Variants in SLC16A10 observed in about 807,000 individuals in gnomAD.
SLC16A10 encodes monocarboxylate transporter 10.
In SLC16A10, 27 loss-of-function variants were observed where a neutral mutation model predicts 40.0. That is an observed-to-expected ratio of 0.67 (90% CI 0.50 to 0.93). The LOEUF (loss-of-function observed/expected upper bound fraction) is 0.93. SLC16A10 is among the 40% of genes least tolerant of loss of function. The probability of loss-of-function intolerance (pLI) is 0.00; values close to 1 mark genes in which losing one functional copy is unlikely to be tolerated. For missense variants in SLC16A10, 529 were observed against 658.2 expected (o/e 0.80, Z 2.15); for synonymous variants, 213 against 249.8 (o/e 0.85, Z 1.39).
At chr6:111,195,104 T>C (rs1773058065) in intron 3 of SLC16A10, among the ~76,000 whole-genome samples, 1 of 152,158 alleles carries the variant, frequency 6.6e-6, no homozygotes, top group African/African-American at 2.4e-5. Context: ...CCAGGCCTTG[T>C]CTTTGATTTT....
rs368896149 is a variant in SLC16A10 at position 111,215,522 on chromosome 6, T to C, written c.1087-3292T>C. On this transcript the variant is annotated intron_variant, in intron 4 of 5. Coordinates refer to ENST00000368851, the MANE Select transcript of SLC16A10 (RefSeq NM_018593.5). Reference sequence around the variant, plus strand: ...TCCTGAAAACCTTGTATAATTACAGTGGCATGGTTGGGAATGTTTGGTCTA... The same window carrying C: ...TCCTGAAAACCTTGTATAATTACAGCGGCATGGTTGGGAATGTTTGGTCTA... 3.3e-5 allele frequency among the ~76,000 whole-genome samples: 5 copies of C among 152,022 alleles called. No homozygotes were observed. In the East Asian group the frequency reaches 9.6e-4, roughly 29 times the overall value.
chr6:111,162,697 A>G (rs755426561), intron 1 of SLC16A10, among the ~76,000 whole-genome samples: 1 of 152,218 alleles, frequency 6.6e-6, no homozygotes, highest in African/African-American at 2.4e-5. Flanking sequence ...CCAGGCAAAA[A>G]GAAATAAATG....
intron 1 of SLC16A10, among the ~76,000 whole-genome samples, chr6:111,114,410 A>G (rs1189486037): frequency 6.6e-6 from 1 of 152,214 alleles, no homozygotes; most frequent in Non-Finnish European, 1.5e-5. Flanking sequence ...ACTGATGCTA[A>G]GATGCACTAT....
intron 3 of SLC16A10, among the ~76,000 whole-genome samples, chr6:111,203,706 C>T (rs905980191): frequency 1.1e-5 from 1 of 91,818 alleles, no homozygotes; most frequent in Admixed American, 1.3e-4. Flanking sequence ...TGGGCGACAG[C>T]GAAACCCCAT....
Position 111,225,118 on chromosome 6 carries a change from A to G in SLC16A10, c.*2883A>G, listed in dbSNP as rs1770967510. 6.6e-6 allele frequency: 1 copy of G among 152,234 alleles called. No individual in the cohort carries two copies. The highest frequency in any genetic ancestry group is 2.4e-5 in the African/African-American group (1 of 41,454). 9.4% of individuals were successfully genotyped at this position (152,234 alleles called of 1,614,324 possible). ...CAATGGATATTGCTGGGATCCATCC[A>G]TTTAAGCAGTAATATACCACCCAGA... On this transcript the variant is annotated 3_prime_UTR_variant, in exon 6 of 6. Transcript: ENST00000368851.
At chr6:111,130,752 C>T (rs1264171313) in intron 1 of SLC16A10, among the ~76,000 whole-genome samples, 1 of 152,166 alleles carries the variant, frequency 6.6e-6, no homozygotes, top group Admixed American at 6.5e-5. Flanking sequence ...ATATAATCTA[C>T]TAGGATAATA....
intron 1 of SLC16A10, among the ~76,000 whole-genome samples, chr6:111,166,821 G>A (rs1455355164): frequency 1.3e-5 from 2 of 152,214 alleles, no homozygotes; most frequent in Non-Finnish European, 2.9e-5. Flanking sequence ...TCTCAGAATG[G>A]AGTAGGAAAC....
chr6:111,089,908 G>GGTTTTTT, intron 1 of SLC16A10, among the ~76,000 whole-genome samples: 1 of 52,334 alleles, frequency 1.9e-5, no homozygotes, highest in East Asian at 5.7e-4. Context: ...CTGTGGGTGG[G>GGTTTTTT]TTTTTTTTTT....
At position 111,222,514 on chromosome 6, in the gene SLC16A10, A is replaced by ACCTC. The variant is rs1770919244; in HGVS notation, c.*279_*280insCCTC. The ACCTC allele has an allele frequency of 1.5e-5, 5 of 329,598 alleles. No individual in the cohort carries two copies. 20.4% of individuals were successfully genotyped at this position (329,598 alleles called of 1,614,324 possible). On this transcript the variant is annotated 3_prime_UTR_variant, in exon 6 of 6. Coordinates refer to ENST00000368851, the MANE Select transcript of SLC16A10 (RefSeq NM_018593.5). ...CTATCTCAGTAAAAAGCAGCTTTGG[A>ACCTC]AACTGTGAATGATCTTTAGCTTGTA...
chr6:111,129,423 A>G (rs1385146167), intron 1 of SLC16A10, among the ~76,000 whole-genome samples: 1 of 152,262 alleles, frequency 6.6e-6, no homozygotes, highest in African/African-American at 2.4e-5. Flanking sequence ...TGAATAGGCA[A>G]TGCATTATAA....
chr6:111,169,357 G>T (rs2114537872), intron 1 of SLC16A10, among the ~76,000 whole-genome samples: 1 of 152,314 alleles, frequency 6.6e-6, no homozygotes, highest in East Asian at 1.9e-4. Context: ...TGGTGCTATG[G>T]CCAGAAGGAA....
chr6:111,200,259 G>C (rs1353414511), intron 3 of SLC16A10, among the ~76,000 whole-genome samples: 1 of 152,152 alleles, frequency 6.6e-6, no homozygotes, highest in African/African-American at 2.4e-5. Flanking sequence ...GGCAAGCAAA[G>C]AAATTTTTCT....
At chr6:111,190,220 A>T (rs1489040228) in intron 3 of SLC16A10, among the ~76,000 whole-genome samples, 1 of 152,198 alleles carries the variant, frequency 6.6e-6, no homozygotes, top group Admixed American at 6.5e-5. Context: ...TTCCAAAACG[A>T]TCTTCTTTGA....
chr6:111,157,670 C>T (rs1375703473), intron 1 of SLC16A10, among the ~76,000 whole-genome samples: 4 of 152,092 alleles, frequency 2.6e-5, no homozygotes, highest in South Asian at 2.1e-4. Context: ...CAGAGTATAA[C>T]TTCAGACCAC....
intron 5 of SLC16A10, among the ~76,000 whole-genome samples, chr6:111,220,283 A>C (rs1400066455): frequency 2.6e-5 from 4 of 152,192 alleles, no homozygotes; most frequent in Non-Finnish European, 4.4e-5. Flanking sequence ...GGTGCAAAAC[A>C]TTGTGTATGT....
intron 2 of SLC16A10, among the ~76,000 whole-genome samples, chr6:111,176,828 GT>G (rs1324854155): frequency 6.6e-6 from 1 of 152,094 alleles, no homozygotes; most frequent in Non-Finnish European, 1.5e-5. Flanking sequence ...TTGAGACTAG[GT>G]TTTTGGTTTG....
intron 1 of SLC16A10, among the ~76,000 whole-genome samples, chr6:111,099,921 G>A (rs1277327959): frequency 2.0e-5 from 3 of 151,560 alleles, no homozygotes; most frequent in African/African-American, 4.9e-5. Flanking sequence ...TACTCAAAAG[G>A]CTGAGGTGGG....
At chr6:111,202,951 A>G (rs1275009290) in intron 3 of SLC16A10, among the ~76,000 whole-genome samples, 1 of 150,540 alleles carries the variant, frequency 6.6e-6, no homozygotes, top group Non-Finnish European at 1.5e-5. Flanking sequence ...ATACATTTAG[A>G]TAAAGTCTAA....
intron 1 of SLC16A10, among the ~76,000 whole-genome samples, chr6:111,113,618 G>A (rs1403603488): frequency 6.6e-6 from 1 of 152,214 alleles, no homozygotes; most frequent in Non-Finnish European, 1.5e-5. Context: ...TGGGGATTGT[G>A]TGTGTGTGAG....
Sources: allele counts gnomAD v4.1 joint callset (sites outside exome capture counted in the v4.1 genomes callset), GRCh38; gene constraint gnomAD v4.1.1; transcripts MANE v1.5; gene names NCBI Gene and HGNC (gene_info 2026-07-23, HGNC 2026-07-21).